WARS1: variants seen among roughly 807,000 people sequenced by gnomAD.
WARS1 encodes the protein tryptophan--tRNA ligase, cytoplasmic.
WARS1 carries 17 observed loss-of-function variants against 47.8 expected under a neutral mutation model. That is an observed-to-expected ratio of 0.36 (90% CI 0.24 to 0.53). The LOEUF is 0.53. WARS1 is among the 20% of genes least tolerant of loss of function. The pLI is 0.91. For synonymous variants in WARS1, 208 were observed against 228.1 expected (o/e 0.91, Z 0.79); for missense variants, 434 against 608.0 (o/e 0.71, Z 3.01).
intron 6 of WARS1, among the ~76,000 whole-genome samples, chr14:100,350,375 G>C (rs971110243): frequency 3.5e-5 from 4 of 112,994 alleles, no homozygotes; most frequent in Non-Finnish European, 6.7e-5. Flanking sequence ...TTGGGCGACA[G>C]AGCAAGACTC....
chr14:100,334,777 G>A lies in WARS1; in HGVS notation c.*98C>T. 1 of 1,442,764 alleles carries A rather than the reference G, an allele frequency of 6.9e-7. No individual in the cohort carries two copies. The highest frequency in any genetic ancestry group is 9.5e-7 in the Non-Finnish European group (1 of 1,054,714). 89.4% of individuals were successfully genotyped at this position (1,442,764 alleles called of 1,614,324 possible). A position where few individuals can be genotyped will look rare whatever the true frequency, so the allele number is the denominator to read the frequency against. The stretch of plus-strand genomic sequence containing the variant: ...AGAGGCCAGGCCCAGTAATTACCAT[G>A]AGACAGAAGCCTACAGGTGGCGGTG... On this transcript the variant is annotated 3_prime_UTR_variant, in exon 11 of 11. Transcript: ENST00000392882.
rs192397552 is a variant in WARS1, at chr14:100,364,833, C to A, written c.100-2912G>T. 2.2e-3 allele frequency among the ~76,000 whole-genome samples: 336 copies of A among 152,268 alleles called. 2 individuals are homozygous for A. The highest frequency in any genetic ancestry group is 7.8e-3 in the African/African-American group (326 of 41,548). ...CCAAAATGATGGGCTTACATAACCC[C>A]ACTGGGTCTTTTATTTATTTTATAA... On this transcript the variant is annotated intron_variant, in intron 2 of 10. Coordinates refer to ENST00000392882, the MANE Select transcript of WARS1 (RefSeq NM_004184.4).
intron 2 of WARS1, among the ~76,000 whole-genome samples, chr14:100,366,228 G>C (rs1222366674): frequency 6.6e-6 from 1 of 152,184 alleles, no homozygotes; most frequent in African/African-American, 2.4e-5. Flanking sequence ...TAGAACTCTG[G>C]CAGCGGGACT....
At chr14:100,362,964 A>C (rs1458429570) in intron 2 of WARS1, among the ~76,000 whole-genome samples, 1 of 152,232 alleles carries the variant, frequency 6.6e-6, no homozygotes, top group East Asian at 1.9e-4. Flanking sequence ...TCTGAGACTC[A>C]TCATTAAAAT....
At chr14:100,366,144 C>T (rs1170815855) in intron 2 of WARS1, 1 of 455,518 alleles carries the variant, frequency 2.2e-6, no homozygotes, top group Non-Finnish European at 4.4e-6. Context: ...ACAGTTGGGG[C>T]ACTGGCAGCA....
chr14:100,354,452 G>T lies in WARS1; in HGVS notation c.537C>A (p.Phe179Leu). ...CCATAAGATCCAATACTTACTTTGT[G>T]AAAATAAATGGAATGAGGTGACCTA... is the stretch of plus-strand genomic sequence containing the variant. Reference protein sequence around the residue: ...MHVGHLIPFIFTKWLQDVFNV... With the variant: ...MHVGHLIPFILTKWLQDVFNV... The change falls in exon 5 of 11, where the codon TTC becomes TTA. Residue 179 changes from phenylalanine to leucine, a missense_variant. By Grantham distance (22) the Phe-to-Leu change is conservative. This residue lies in a region of WARS1 where 347 missense variants were observed against 523.8 expected (regional missense o/e 0.66). Transcript: ENST00000392882. The T allele has an allele frequency of 1.2e-6, 2 of 1,613,262 alleles. No homozygotes were observed. Among genetic ancestry groups the T allele is most frequent in the South Asian group, 2.2e-5 (2 of 90,814 alleles).
intron 6 of WARS1, among the ~76,000 whole-genome samples, chr14:100,349,467 G>A (rs1213909849): frequency 6.6e-6 from 1 of 152,172 alleles, no homozygotes; most frequent in African/African-American, 2.4e-5. Flanking sequence ...GCAGAGAGGA[G>A]CTCCTCCCAT....
chr14:100,353,954 T>C (rs1895157460), intron 5 of WARS1, 85 bp from the exon 6 acceptor site: 2 of 1,271,892 alleles, frequency 1.6e-6, no homozygotes, highest in Non-Finnish European at 2.2e-6. Context: ...CAGCTCCTAC[T>C]TACAACGTAT....
In WARS1 at chr14:100,362,019, C is replaced by T. The variant is rs1895693047; in HGVS notation, c.100-98G>A. The T allele has an allele frequency of 1.7e-5, 21 of 1,250,484 alleles. No homozygotes were observed. The East Asian group carries it at 4.8e-4, about 29-fold the overall frequency. The allele number at this position is 1,250,484 out of a possible 1,614,324, so 77.5% of individuals were successfully genotyped here. On this transcript the variant is annotated intron_variant, in intron 2 of 10. Transcript: ENST00000392882. ...GCAGGCACTGTGTTAAATGCTTTTA[C>T]ACGTGTTACCTTAGTTAGTGTCACA...
chr14:100,348,063 A>G (rs1201758377), intron 6 of WARS1, among the ~76,000 whole-genome samples: 1 of 152,186 alleles, frequency 6.6e-6, no homozygotes, highest in Non-Finnish European at 1.5e-5. Flanking sequence ...CCTTCAAAGT[A>G]GTAGCATTGC....
intron 4 of WARS1, among the ~76,000 whole-genome samples, chr14:100,358,802 T>TA: frequency 6.6e-6 from 1 of 152,278 alleles, no homozygotes; most frequent in Non-Finnish European, 1.5e-5. Flanking sequence ...ATCCAGAATA[T>TA]AGAAAGAACT....
intron 9 of WARS1, 113 bp downstream of exon 9, chr14:100,342,285 C>T (rs543796790): frequency 2.8e-5 from 40 of 1,453,042 alleles, no homozygotes; most frequent in East Asian, 2.1e-4. Flanking sequence ...AGCATTGCTA[C>T]GGTGGCTGGG....
intron 4 of WARS1, among the ~76,000 whole-genome samples, chr14:100,360,056 A>G (rs1397371266): frequency 6.6e-6 from 1 of 152,198 alleles, no homozygotes; most frequent in African/African-American, 2.4e-5. Context: ...GAACCTGCCC[A>G]TATCTTGACG....
At chr14:100,342,338 G>A in intron 9 of WARS1, 60 bp downstream of exon 9, 1 of 1,599,868 alleles carries the variant, frequency 6.3e-7, no homozygotes, top group South Asian at 1.1e-5. Context: ...GTGTGTGCGT[G>A]TGCCCCCCAG....
intron 5 of WARS1, 128 bp from the exon 6 acceptor site, chr14:100,353,997 T>C: frequency 5.0e-6 from 4 of 795,556 alleles, no homozygotes; most frequent in Non-Finnish European, 7.8e-6. Context: ...AATCACAATT[T>C]GAATTGTGAT....
At chr14:100,368,512 T>C (rs1896145938) in intron 2 of WARS1, 1 of 455,672 alleles carries the variant, frequency 2.2e-6, no homozygotes, top group Non-Finnish European at 4.4e-6. Flanking sequence ...TATTTACAGA[T>C]ATGGGGAGTA....
rs75399190 is a variant in WARS1, at chr14:100,370,854, G to C, written c.-73-1596C>G. ...GCTACTTGGGAGGCTATAGCAGGAA[G>C]ATCACTTGAGCCCAGGAGTTCGAGG... On this transcript the variant is annotated intron_variant, in intron 1 of 10. Coordinates refer to ENST00000392882, the MANE Select transcript of WARS1 (RefSeq NM_004184.4). Among the ~76,000 whole-genome samples the C allele has an allele frequency of 1.8e-3, 275 of 151,988 alleles. 2 individuals carry two copies. The highest frequency in any genetic ancestry group is 6.4e-3 in the African/African-American group (264 of 41,456).
intron 2 of WARS1, chr14:100,366,814 T>A: frequency 1.3e-6 from 2 of 1,484,854 alleles, no homozygotes. Context: ...GTGTTTCCTT[T>A]TTTGATGTAT....
chr14:100,375,367 G>C (rs1415312553), upstream of WARS1: 2 of 152,176 alleles, frequency 1.3e-5, no homozygotes, highest in Non-Finnish European at 2.9e-5. Context: ...AGCCAGAAAT[G>C]GTCTTTAATA....
Sources: allele counts gnomAD v4.1 joint callset (sites outside exome capture counted in the v4.1 genomes callset), GRCh38; gene constraint gnomAD v4.1.1; regional missense constraint gnomAD v4.1.1; transcripts MANE v1.5; gene names NCBI Gene and HGNC (gene_info 2026-07-23, HGNC 2026-07-21).